Variants in CFAP58 observed in about 807,000 individuals in gnomAD.
CFAP58 encodes cilia and flagella associated protein 58.
In CFAP58, 88 loss-of-function variants were observed where a neutral mutation model predicts 119.5. The observed-to-expected ratio is 0.74, with a 90% CI of 0.62 to 0.88. The LOEUF (loss-of-function observed/expected upper bound fraction) is 0.88. Ranked by LOEUF, CFAP58 falls within the 40% of genes least tolerant of loss-of-function variation. The probability of loss-of-function intolerance (pLI) is 0.00; values close to 1 mark genes in which losing one functional copy is unlikely to be tolerated. For missense variants in CFAP58, 990 were observed against 1,021.2 expected (o/e 0.97, Z 0.42); for synonymous variants, 365 against 366.3 (o/e 1.00, Z 0.04).
At chr10:104,375,524 GC>G (rs985631834) in intron 7 of CFAP58, among the ~76,000 whole-genome samples, 5 of 152,104 alleles carry the variant, frequency 3.3e-5, no homozygotes, top group African/African-American at 9.7e-5. Context: ...TTCGAGACCA[GC>G]CTGGCCAACA....
chr10:104,384,655 C>G (rs1026483594), intron 9 of CFAP58, among the ~76,000 whole-genome samples: 1 of 152,154 alleles, frequency 6.6e-6, no homozygotes, highest in African/African-American at 2.4e-5. Context: ...GGTTCTTAAC[C>G]TAATAGAAGA....
intron 14 of CFAP58, among the ~76,000 whole-genome samples, chr10:104,406,164 A>G (rs2012355622): frequency 6.6e-6 from 1 of 152,206 alleles, no homozygotes; most frequent in African/African-American, 2.4e-5. Context: ...TAAGCCTCAG[A>G]GCATAGGAAT....
At chr10:104,424,380 T>C (rs1028783118) in intron 15 of CFAP58, among the ~76,000 whole-genome samples, 1 of 152,208 alleles carries the variant, frequency 6.6e-6, no homozygotes, top group Non-Finnish European at 1.5e-5. Flanking sequence ...TGTTCTGAGA[T>C]GATAATAGAT....
At chr10:104,367,331 T>A (rs1430342752) in intron 5 of CFAP58, among the ~76,000 whole-genome samples, 1 of 152,250 alleles carries the variant, frequency 6.6e-6, no homozygotes, top group Non-Finnish European at 1.5e-5. Flanking sequence ...ATTCATATAA[T>A]TGAAAAGTCT....
chr10:104,371,149 A>T, intron 7 of CFAP58, 95 bp downstream of exon 7: 1 of 1,209,076 alleles, frequency 8.3e-7, no homozygotes, highest in Non-Finnish European at 1.1e-6. Context: ...AACACAACCT[A>T]TGCCAAATGA....
At position 104,371,032 on chromosome 10, in the gene CFAP58, T is replaced by G; in HGVS notation, c.1068T>G (p.Asn356Lys). 1.9e-6 allele frequency: 3 copies of G among 1,610,590 alleles called. No individual in the cohort carries two copies. The highest frequency in any genetic ancestry group is 1.1e-5 in the South Asian group (1 of 90,294). ...EVEQHKETLK[N>K]QIVGLEREVE... ...AACAGCACAAAGAAACCCTAAAAAA[T>G]CAGATTGTGGGATTAGAGAGAGGTA... Residue 356 changes from asparagine to lysine, a missense_variant, in exon 7 of 18, where the codon AAT (asparagine) becomes AAG (lysine). Coordinates refer to ENST00000369704, the MANE Select transcript of CFAP58 (RefSeq NM_001008723.2).
chr10:104,353,686 A>T (rs971614982), upstream of CFAP58: 12 of 548,320 alleles, frequency 2.2e-5, no homozygotes, highest in East Asian at 8.7e-5. Flanking sequence ...CCCAGGTGCC[A>T]GCCGCAGAAG....
chr10:104,427,314 T>C (rs1324857386), intron 15 of CFAP58, among the ~76,000 whole-genome samples: 1 of 152,216 alleles, frequency 6.6e-6, no homozygotes, highest in Non-Finnish European at 1.5e-5. Flanking sequence ...AGAATGTGGA[T>C]TCAAAATAAA....
intron 2 of CFAP58, among the ~76,000 whole-genome samples, chr10:104,361,153 T>G (rs1354985618): frequency 2.0e-5 from 3 of 152,188 alleles, no homozygotes; most frequent in African/African-American, 7.2e-5. Context: ...GTTGCAAAAT[T>G]TACTGTGCTT....
At chr10:104,420,588 A>T (rs1589930002) in intron 15 of CFAP58, among the ~76,000 whole-genome samples, 1 of 152,304 alleles carries the variant, frequency 6.6e-6, no homozygotes, top group South Asian at 2.1e-4. Flanking sequence ...AACTTCTATG[A>T]CATACAATTT....
chr10:104,370,889 T>C lies in CFAP58; in HGVS notation c.931-6T>C. The C allele has an allele frequency of 1.2e-6, 2 of 1,607,956 alleles. No individual in the cohort carries two copies. The highest frequency in any genetic ancestry group is 2.2e-5 in the East Asian group (1 of 44,790). ...TGACTCATTAATTCTTTCTCACTAA[T>C]TACAGGCCAAAGAGGAAGAAGTCCA... On this transcript the variant is annotated splice_region_variant and splice_polypyrimidine_tract_variant and intron_variant, in intron 6 of 17. Transcript: ENST00000369704.
intron 15 of CFAP58, among the ~76,000 whole-genome samples, chr10:104,428,967 C>G (rs2012798569): frequency 6.6e-6 from 1 of 152,128 alleles, no homozygotes; most frequent in Non-Finnish European, 1.5e-5. Context: ...CAGGTGTTCA[C>G]AAGAAATGGA....
At chr10:104,387,401 C>T (rs1291647496) in intron 9 of CFAP58, among the ~76,000 whole-genome samples, 1 of 152,208 alleles carries the variant, frequency 6.6e-6, no homozygotes, top group African/African-American at 2.4e-5. Flanking sequence ...CATACAGGCA[C>T]ATGTCATGTC....
chr10:104,441,236 C>T (rs934095369), intron 15 of CFAP58, among the ~76,000 whole-genome samples: 14 of 152,224 alleles, frequency 9.2e-5, no homozygotes, highest in African/African-American at 2.9e-4. Context: ...CTCCTGATCT[C>T]GAGTGATTTG....
At chr10:104,445,893 A>G (rs1255416643) in intron 15 of CFAP58, among the ~76,000 whole-genome samples, 2 of 152,192 alleles carry the variant, frequency 1.3e-5, no homozygotes, top group Non-Finnish European at 2.9e-5. Flanking sequence ...GAAACATTTC[A>G]AGATGCTTGG....
At chr10:104,431,811 A>T (rs1334012781) in intron 15 of CFAP58, among the ~76,000 whole-genome samples, 1 of 152,232 alleles carries the variant, frequency 6.6e-6, no homozygotes, top group African/African-American at 2.4e-5. Context: ...GGTACATTTT[A>T]GATTTATATA....
At chr10:104,438,116 G>T (rs2012964390) in intron 15 of CFAP58, among the ~76,000 whole-genome samples, 1 of 152,042 alleles carries the variant, frequency 6.6e-6, no homozygotes, top group African/African-American at 2.4e-5. Context: ...CCATTTTACT[G>T]TTTCTAGAAG....
chr10:104,399,026 TCTC>T (rs2012212380), intron 11 of CFAP58, among the ~76,000 whole-genome samples: 1 of 152,140 alleles, frequency 6.6e-6, no homozygotes, highest in Non-Finnish European at 1.5e-5. Context: ...CTTTGTGAAT[TCTC>T]CTGGTGTTTA....
chr10:104,373,888 T>C (rs1001196416), intron 7 of CFAP58, among the ~76,000 whole-genome samples: 1 of 151,914 alleles, frequency 6.6e-6, no homozygotes. Flanking sequence ...ATGAAAGAGA[T>C]TGGAAAGGCC....
Sources: gnomAD v4.1 joint callset for allele counts (sites outside exome capture counted in the v4.1 genomes callset) on GRCh38, gnomAD v4.1.1 for gene constraint, MANE v1.5 for transcripts, NCBI Gene and HGNC (gene_info 2026-07-23, HGNC 2026-07-21) for gene names.